DNAH2: variants seen among roughly 807,000 people sequenced by gnomAD.
The protein encoded by DNAH2 is axonemal beta dynein heavy chain 2.
A neutral mutation model predicts 523.5 loss-of-function variants in DNAH2; 323 were observed. The observed-to-expected ratio is 0.62, with a 90% confidence interval of 0.56 to 0.68. DNAH2 has a LOEUF of 0.68. DNAH2 is among the 30% of genes least tolerant of loss of function. The pLI, the probability that DNAH2 is intolerant of heterozygous loss-of-function variation, is 0.00. For missense variants in DNAH2, 4,907 were observed against 5,701.5 expected (o/e 0.86, Z 4.49); for synonymous variants, 2,093 against 2,177.4 (o/e 0.96, Z 1.08).
intron 14 of DNAH2, 72 bp from the exon 15 acceptor site, chr17:7,758,813 T>C (rs2075919326): frequency 6.3e-7 from 1 of 1,590,006 alleles, no homozygotes; most frequent in African/African-American, 1.3e-5. Flanking sequence ...GGAGAACAAG[T>C]GGGAGGGTAG....
rs149076886 is a variant in DNAH2, at chr17:7,771,256, A to C, written c.4363-74A>C. Reference sequence around the variant, plus strand: ...TATCTTCTACCCAACTGTCACCCACAATCTGGGAACAGGGAGCAGAGGGTG... The same window carrying C: ...TATCTTCTACCCAACTGTCACCCACCATCTGGGAACAGGGAGCAGAGGGTG... On this transcript the variant is annotated intron_variant, in intron 27 of 85. Transcript: ENST00000572933. 8,161 of 1,592,348 alleles carry C rather than the reference A, an allele frequency of 5.1e-3. 27 individuals are homozygous for C. Among genetic ancestry groups the C allele is most frequent in the Middle Eastern group, 8.6e-3 (51 of 5,956 alleles).
intron 63 of DNAH2, among the ~76,000 whole-genome samples, chr17:7,812,809 G>T (rs1031143699): frequency 1.3e-5 from 2 of 148,478 alleles, no homozygotes; most frequent in African/African-American, 2.5e-5. Flanking sequence ...TGGGCGTGGT[G>T]GTGGGCACCT....
In DNAH2 at chr17:7,801,950, T is replaced by C. The variant is rs1212256268; in HGVS notation, c.8905T>C (p.Leu2969=). The change falls in exon 58 of 86, where the codon TTG becomes CTG. Residue 2969 remains leucine (L), a synonymous_variant. Transcript: ENST00000572933. ...SVAQYSQKML[L]ELRRHNYVTP... is the part of the protein sequence containing the mutation. ...AGCTCAGTATTCCCAGAAGATGCTG[T>C]TGGAACTGCGGAGACACAACTATGT... 1 of 1,614,078 alleles carries C rather than the reference T, an allele frequency of 6.2e-7. No homozygotes were observed. Among genetic ancestry groups the C allele is most frequent in the Non-Finnish European group, 8.5e-7 (1 of 1,180,052 alleles).
chr17:7,801,663 G>A lies in DNAH2; in HGVS notation c.8785G>A (p.Val2929Met), dbSNP rs150183757. ...SEWPQEALLE[V>M]AEKCLIGVDL... ...GTGGCCCCAAGAGGCCCTGCTCGAG[G>A]TGGCTGAGAAGTGCCTCATAGGAGT... Residue 2929 changes from valine (V) to methionine (M), a missense_variant, in exon 57 of 86, where the codon GTG (valine) becomes ATG (methionine). By Grantham distance (21) the Val-to-Met change is conservative. This residue lies in a region of DNAH2 where 1,851 missense variants were observed against 2,139.4 expected (regional missense o/e 0.87). Transcript: ENST00000572933. The A allele has an allele frequency of 6.2e-7, 1 of 1,614,148 alleles. No homozygotes were observed.
Position 7,798,032 on chromosome 17 carries a change from ACTT to A in DNAH2, c.8231-119_8231-117del, listed in dbSNP as rs2077114425. 39 of 1,413,598 alleles carry A rather than the reference ACTT, an allele frequency of 2.8e-5. No homozygotes were observed. Among genetic ancestry groups the A allele is most frequent in the Middle Eastern group, 2.6e-4 (1 of 3,840 alleles). 87.6% of individuals were successfully genotyped at this position (1,413,598 alleles called of 1,614,324 possible). A position where few individuals can be genotyped will look rare whatever the true frequency, so the allele number is the denominator to read the frequency against. ...ATTGCCTCCTGGGCCTTGGGCACCA[ACTT>A]CTTCTCATACCTCTTGGTTCCTCTG... On this transcript the variant is annotated intron_variant, in intron 53 of 85. Coordinates refer to ENST00000572933, the MANE Select transcript of DNAH2 (RefSeq NM_020877.5). This position sits in a 1 kb window ranked among gnomAD's most constrained non-coding sequence, Gnocchi z 5.5.
chr17:7,742,892 A>C, intron 11 of DNAH2, 36 bp from the exon 12 acceptor site: 1 of 1,403,534 alleles, frequency 7.1e-7, no homozygotes. Context: ...GGAAGGTGGC[A>C]GGCCGACTCC....
At chr17:7,745,605 C>G (rs919390523) in intron 12 of DNAH2, among the ~76,000 whole-genome samples, 1 of 151,248 alleles carries the variant, frequency 6.6e-6, no homozygotes, top group Admixed American at 6.6e-5. Context: ...TCGCTTGAGC[C>G]CAGGAGTCCA....
chr17:7,731,053 G>C (rs1016088629), intron 4 of DNAH2, among the ~76,000 whole-genome samples: 4 of 152,062 alleles, frequency 2.6e-5, no homozygotes, highest in African/African-American at 9.7e-5. Flanking sequence ...GGGAGGCAGA[G>C]GTTGCAGTGA....
chr17:7,778,789 G>A (rs2076527782), intron 35 of DNAH2, among the ~76,000 whole-genome samples: 2 of 151,830 alleles, frequency 1.3e-5, no homozygotes, highest in African/African-American at 2.4e-5. Context: ...GGCTGGTCTC[G>A]AACTCCTGAC....
rs778473971 is a variant in DNAH2, at chr17:7,796,530, G to A, written c.7741G>A (p.Val2581Met). Reference protein sequence around the residue: ...NQKLQDFEEEVKPIGNVVTEA... With the variant: ...NQKLQDFEEEMKPIGNVVTEA... ...GAAGCTTCAGGACTTTGAGGAAGAG[G>A]TGAAGCCCATTGGGAACGTGGTGAC... The change falls in exon 50 of 86, where the codon GTG becomes ATG. Residue 2581 changes from valine (V) to methionine (M), a missense_variant. Coordinates refer to ENST00000572933, the MANE Select transcript of DNAH2 (RefSeq NM_020877.5). 8.6e-5 allele frequency: 138 copies of A among 1,613,624 alleles called. No individual in the cohort carries two copies. The highest frequency in any genetic ancestry group is 4.2e-6 in the Non-Finnish European group (5 of 1,179,986).
At chr17:7,819,477 C>G in intron 72 of DNAH2, 69 bp downstream of exon 72, 1 of 1,568,038 alleles carries the variant, frequency 6.4e-7, no homozygotes, top group Non-Finnish European at 8.8e-7. Flanking sequence ...GCCACTGCAC[C>G]TTCGTGCTTT....
At position 7,819,014 on chromosome 17, in the gene DNAH2, A is replaced by G; in HGVS notation, c.10766A>G (p.Gln3589Arg). Residue 3589 changes from glutamine to arginine, a missense_variant, in exon 71 of 86, where the codon CAG becomes CGG. Gln to Arg is a conservative substitution (Grantham distance 43). This residue lies in a region of DNAH2 where 1,851 missense variants were observed against 2,139.4 expected (regional missense o/e 0.87). Coordinates refer to ENST00000572933, the MANE Select transcript of DNAH2 (RefSeq NM_020877.5). ...SKITATEVTE[Q>R]LETSETTEIN... is the part of the protein sequence containing the mutation. ...ATCACAGCCACAGAGGTGACTGAGC[A>G]GCTGGAGACCAGTGAGACCACAGAG... is the stretch of plus-strand genomic sequence containing the variant. 1 of 1,603,748 alleles carries G rather than the reference A, an allele frequency of 6.2e-7. No individual in the cohort carries two copies. Among genetic ancestry groups the G allele is most frequent in the Non-Finnish European group, 8.5e-7 (1 of 1,176,584 alleles).
At chr17:7,764,073 C>G in intron 19 of DNAH2, 42 bp downstream of exon 19, 1 of 1,614,196 alleles carries the variant, frequency 6.2e-7, no homozygotes, top group Non-Finnish European at 8.5e-7. Context: ...CAGGGGCAGG[C>G]ACTGGGCCTT....
intron 2 of DNAH2, among the ~76,000 whole-genome samples, chr17:7,721,755 T>A (rs2074615146): frequency 6.6e-6 from 1 of 152,176 alleles, no homozygotes; most frequent in Non-Finnish European, 1.5e-5. Context: ...TCCAATCTCC[T>A]GTGTGACTAG....
chr17:7,818,221 G>T, intron 68 of DNAH2, 91 bp from the exon 69 acceptor site: 1 of 1,595,890 alleles, frequency 6.3e-7, no homozygotes. Flanking sequence ...CTTAGGACAG[G>T]CTGAGTCGCT....
Position 7,797,549 on chromosome 17 carries a change from T to G in DNAH2, c.8080+19T>G. On this transcript the variant is annotated intron_variant, in intron 52 of 85. Coordinates refer to ENST00000572933, the MANE Select transcript of DNAH2 (RefSeq NM_020877.5). The stretch of plus-strand genomic sequence containing the variant: ...ATCTTTGGTGAGCCAGGAGCTGTGA[T>G]GACCTTGGGCTTGACACTCTTAGAA... The G allele has an allele frequency of 1.2e-6, 2 of 1,614,160 alleles. No homozygotes were observed. Among genetic ancestry groups the G allele is most frequent in the Non-Finnish European group, 1.7e-6 (2 of 1,180,022 alleles).
chr17:7,750,528 T>G (rs908164699), intron 12 of DNAH2, among the ~76,000 whole-genome samples: 1 of 152,036 alleles, frequency 6.6e-6, no homozygotes, highest in Non-Finnish European at 1.5e-5. Context: ...ATCTTTTGAG[T>G]TTTTGCATGA....
chr17:7,808,385 A>T (rs1441622030), intron 63 of DNAH2, among the ~76,000 whole-genome samples: 2 of 150,284 alleles, frequency 1.3e-5, no homozygotes, highest in Admixed American at 6.6e-5. Context: ...AAAAAAAAAA[A>T]GATGCATGCA....
rs758842641 is a variant in DNAH2, at chr17:7,788,100, C to T, written c.6756C>T (p.Pro2252=). The T allele has an allele frequency of 6.2e-7, 1 of 1,614,172 alleles. No individual in the cohort carries two copies. The highest frequency in any genetic ancestry group is 1.7e-5 in the Admixed American group (1 of 60,020). ...TTCAACTCCAGGCTGAGGTGGAGCC[C>T]CTTCAACGCATGTTCGAAAAGCTCA... The part of the protein sequence containing the change: ...LEKRPKAEVE[P]LQRMFEKLIN... The change falls in exon 44 of 86, where the codon CCC becomes CCT. Residue 2252 remains proline (P), a synonymous_variant. Transcript: ENST00000572933.
Sources: allele counts gnomAD v4.1 joint callset (sites outside exome capture counted in the v4.1 genomes callset), GRCh38; gene constraint gnomAD v4.1.1; regional missense constraint gnomAD v4.1.1; non-coding constraint Gnocchi (gnomAD v3.1); transcripts MANE v1.5; gene names NCBI Gene and HGNC (gene_info 2026-07-23, HGNC 2026-07-21).